MASTL: variants seen among roughly 807,000 people sequenced by gnomAD.
The protein encoded by MASTL is microtubule associated serine/threonine kinase like.
MASTL carries 54 observed loss-of-function variants against 82.5 expected under a neutral mutation model. The ratio of observed to expected loss-of-function variants is 0.65; its 90% confidence interval spans 0.53 to 0.82. The LOEUF (loss-of-function observed/expected upper bound fraction) is 0.82, where lower values mean the gene tolerates loss of function less well. MASTL is among the 40% of genes least tolerant of loss of function. The pLI is 0.00. For missense variants in MASTL, 950 were observed against 1,047.8 expected, an observed-to-expected ratio of 0.91 and a Z score of 1.29; for synonymous variants, 323 against 368.9, an observed-to-expected ratio of 0.88 and a Z score of 1.43.
At position 27,172,818 on chromosome 10, in the gene MASTL, C is replaced by T. The variant is rs181249489; in HGVS notation, c.2125-300C>T. Among the ~76,000 whole-genome samples the T allele has an allele frequency of 3.3e-3, 500 of 152,252 alleles. 2 individuals carry two copies. The highest frequency in any genetic ancestry group is 0.011 in the African/African-American group (475 of 41,536). On this transcript the variant is annotated intron_variant, in intron 8 of 11. Coordinates refer to ENST00000375940, the MANE Select transcript of MASTL (RefSeq NM_001172303.3). The stretch of plus-strand genomic sequence containing the variant: ...TTAAGCTTGTATTAGTCCATGCTAT[C>T]AGTCTTCTTGCAGATTTTTTCACTG...
rs754701599 is a variant in MASTL at position 27,161,125 on chromosome 10, A to T, written c.496A>T (p.Asn166Tyr). 27 of 1,613,134 alleles carry T rather than the reference A, an allele frequency of 1.7e-5. No individual in the cohort carries two copies. Among genetic ancestry groups the T allele is most frequent in the Non-Finnish European group, 2.0e-5 (24 of 1,179,248 alleles). The change falls in exon 4 of 12, where the codon AAT becomes TAT. Residue 166 changes from asparagine to tyrosine, a missense_variant. Coordinates refer to ENST00000375940, the MANE Select transcript of MASTL (RefSeq NM_001172303.3). ...DLKPDNMLIS[N>Y]EGHIKLTDFG... ...GAAACCGGACAATATGCTTATTTCT[A>T]ATGAGGGTCATATTAAACTGACGGA...
In MASTL at chr10:27,186,372, T is replaced by TC. The variant is rs2058750711; in HGVS notation, c.2483-5dup. The TC allele has an allele frequency of 2.5e-6, 4 of 1,613,528 alleles. No homozygotes were observed. In the Admixed American group the frequency reaches 6.7e-5, roughly 27 times the overall value. The stretch of plus-strand genomic sequence containing the variant: ...ATCATACTGTTTTGTTTTATATTTT[T>TC]CCTAAGAGCTAAAACGTCATCCTCT... On this transcript the variant is annotated splice_region_variant and splice_polypyrimidine_tract_variant and intron_variant, in intron 11 of 11. Transcript: ENST00000375940.
At chr10:27,162,316 C>T (rs2057595859) in intron 4 of MASTL, among the ~76,000 whole-genome samples, 1 of 152,204 alleles carries the variant, frequency 6.6e-6, no homozygotes, top group Non-Finnish European at 1.5e-5. Flanking sequence ...CTAGAAATTA[C>T]TTAAGTTCAT....
intron 11 of MASTL, among the ~76,000 whole-genome samples, chr10:27,183,537 C>A (rs919851069): frequency 6.6e-6 from 1 of 152,042 alleles, no homozygotes; most frequent in African/African-American, 2.4e-5. Context: ...CCTGCCTCGG[C>A]CTCCCAAAGT....
rs1384456492 is a variant in MASTL at position 27,158,681 on chromosome 10, T to C, written c.319T>C (p.Tyr107His). The change falls in exon 2 of 12, where the codon TAC becomes CAC. Residue 107 changes from tyrosine (Y) to histidine (H), a missense_variant. Tyr to His is a moderately conservative substitution (Grantham distance 83, BLOSUM62 2). Transcript: ENST00000375940. The stretch of plus-strand genomic sequence containing the variant: ...TTCACTGCAGTCTGCAAACAATGTC[T>C]ACTTGGTGAGTAAATAATTTTTATG... ...YYSLQSANNV[Y>H]LVMEYLIGGD... 2 of 1,613,814 alleles carry C rather than the reference T, an allele frequency of 1.2e-6. No individual in the cohort carries two copies. The highest frequency in any genetic ancestry group is 2.7e-5 in the African/African-American group (2 of 74,934).
chr10:27,187,712 A>G lies in MASTL; in HGVS notation c.*1176A>G, dbSNP rs2058850712. Among the ~76,000 whole-genome samples the G allele has an allele frequency of 6.6e-6, 1 of 151,262 alleles. No homozygotes were observed. Among genetic ancestry groups the G allele is most frequent in the South Asian group, 2.1e-4 (1 of 4,792 alleles). ...GATTGCAGTGAGCTGAGATCACATC[A>G]CTGCATTTCAGCCTGGGCAACAGAA... On this transcript the variant is annotated 3_prime_UTR_variant, in exon 12 of 12. Transcript: ENST00000375940.
chr10:27,165,533 A>G lies in MASTL; in HGVS notation c.805A>G (p.Lys269Glu). The change falls in exon 6 of 12, where the codon AAA (lysine) becomes GAA (glutamate). Residue 269 changes from lysine (K) to glutamate (E), a missense_variant. By Grantham distance (56) the Lys-to-Glu change is moderately conservative (BLOSUM62 1). Coordinates refer to ENST00000375940, the MANE Select transcript of MASTL (RefSeq NM_001172303.3). Reference sequence around the variant, plus strand: ...TACGCCTTATTCTAGCAAATTACTAAAATCATGTGAGTATAAAAGAAAAGG... The same window carrying G: ...TACGCCTTATTCTAGCAAATTACTAGAATCATGTGAGTATAAAAGAAAAGG... ...DTTPYSSKLL[K>E]SCLETVASNP... 6.2e-7 allele frequency: 1 copy of G among 1,614,014 alleles called. No individual in the cohort carries two copies. Among genetic ancestry groups the G allele is most frequent in the Non-Finnish European group, 8.5e-7 (1 of 1,179,984 alleles).
At chr10:27,174,969 A>G (rs1588705143) in intron 9 of MASTL, among the ~76,000 whole-genome samples, 1 of 151,534 alleles carries the variant, frequency 6.6e-6, no homozygotes, top group Non-Finnish European at 1.5e-5. Context: ...AGCTCTTTTC[A>G]TGATCATCTG....
chr10:27,166,005 G>A (rs985791374), intron 6 of MASTL, among the ~76,000 whole-genome samples: 1 of 151,468 alleles, frequency 6.6e-6, no homozygotes, highest in Non-Finnish European at 1.5e-5. Context: ...TCAGGAGTTC[G>A]AGACCAGCCT....
Position 27,170,098 on chromosome 10 carries a change from C to G in MASTL, c.1139C>G (p.Thr380Ser). The stretch of plus-strand genomic sequence containing the variant: ...ATTCATAACAGCAGTGCCCTTCCCA[C>G]CACTGGACGCTCTTGTGTAAACCTT... ...SPIHNSSALP[T>S]TGRSCVNLAK... Residue 380 changes from threonine to serine, a missense_variant, in exon 8 of 12, where the codon ACC becomes AGC. Coordinates refer to ENST00000375940, the MANE Select transcript of MASTL (RefSeq NM_001172303.3). 10 of 1,614,184 alleles carry G rather than the reference C, an allele frequency of 6.2e-6. No individual in the cohort carries two copies. Among genetic ancestry groups the G allele is most frequent in the Non-Finnish European group, 8.5e-6 (10 of 1,180,038 alleles).
rs549678853 is a variant in MASTL at position 27,168,742 on chromosome 10, G to A, written c.985-1202G>A. Among the ~76,000 whole-genome samples the A allele has an allele frequency of 5.3e-5, 8 of 152,144 alleles. No individual in the cohort carries two copies. The South Asian group carries it at 8.3e-4, about 16-fold the overall frequency. ...TGAGGCAGGAGAATTGCTTGAACCC[G>A]GGAGGCAGAGGTTGCAGTGAGCGGA... On this transcript the variant is annotated intron_variant, in intron 7 of 11. Coordinates refer to ENST00000375940, the MANE Select transcript of MASTL (RefSeq NM_001172303.3).
At chr10:27,160,303 G>A (rs1264390388) in intron 3 of MASTL, among the ~76,000 whole-genome samples, 1 of 150,624 alleles carries the variant, frequency 6.6e-6, no homozygotes, top group Non-Finnish European at 1.5e-5. Flanking sequence ...CATTAAGTAT[G>A]GCATTTTATG....
chr10:27,173,396 C>T (rs1015513660), intron 9 of MASTL, 137 bp downstream of exon 9: 1 of 930,238 alleles, frequency 1.1e-6, no homozygotes, highest in South Asian at 1.5e-5. Context: ...ATATATATGG[C>T]ATTTGTCATA....
At chr10:27,158,374 A>G (rs2057461783) in intron 1 of MASTL, among the ~76,000 whole-genome samples, 175 bp from the exon 2 acceptor site, 1 of 152,164 alleles carries the variant, frequency 6.6e-6, no homozygotes, top group Non-Finnish European at 1.5e-5. Context: ...AGATGTAGTC[A>G]TGTGTGCCAG....
At chr10:27,157,752 G>C (rs1377332157) in intron 1 of MASTL, among the ~76,000 whole-genome samples, 1 of 151,814 alleles carries the variant, frequency 6.6e-6, no homozygotes, top group Admixed American at 6.6e-5. Context: ...GACAGCATTT[G>C]GGACTGTTAA....
intron 8 of MASTL, among the ~76,000 whole-genome samples, chr10:27,172,500 CAA>C (rs2057980107): frequency 6.6e-6 from 1 of 151,970 alleles, no homozygotes; most frequent in Non-Finnish European, 1.5e-5. Context: ...ACTAAAAATA[CAA>C]AATTAGCCAG....
chr10:27,181,592 G>C lies in MASTL; in HGVS notation c.2482+11G>C, dbSNP rs2058310105. ...GAGCTGGAATGAAAGGTATGGTTTT[G>C]TGTTAATACATTGTTTTACCATTGA... On this transcript the variant is annotated intron_variant, in intron 11 of 11. Transcript: ENST00000375940. The C allele has an allele frequency of 6.4e-7, 1 of 1,558,872 alleles. No individual in the cohort carries two copies. Among genetic ancestry groups the C allele is most frequent in the Non-Finnish European group, 8.8e-7 (1 of 1,131,050 alleles).
chr10:27,169,695 T>C (rs1252293362), intron 7 of MASTL, among the ~76,000 whole-genome samples: 1 of 152,202 alleles, frequency 6.6e-6, no homozygotes, highest in Non-Finnish European at 1.5e-5. Context: ...GCCTGTGATA[T>C]ACAATCAAAA....
intron 6 of MASTL, 56 bp from the exon 7 acceptor site, chr10:27,167,046 C>T (rs2057763699): frequency 7.2e-7 from 1 of 1,382,622 alleles, no homozygotes; most frequent in Non-Finnish European, 1.0e-6. Context: ...GATTCAGGTT[C>T]AGTAAGGAAC....
Sources: gnomAD v4.1 joint callset for allele counts (sites outside exome capture counted in the v4.1 genomes callset) on GRCh38, gnomAD v4.1.1 for gene constraint, MANE v1.5 for transcripts, NCBI Gene and HGNC (gene_info 2026-07-23, HGNC 2026-07-21) for gene names.